The following SPAG6 variants were observed in gnomAD, a reference collection of about 807,000 sequenced individuals.
SPAG6 encodes the protein sperm associated antigen 6, also known as sperm-associated antigen 6.
In SPAG6, 49 loss-of-function variants were observed where a neutral mutation model predicts 58.5. The observed-to-expected ratio is 0.84, with a 90% CI of 0.67 to 1.06. The LOEUF (loss-of-function observed/expected upper bound fraction) is 1.06. Ranked by LOEUF, SPAG6 falls within the 50% of genes least tolerant of loss-of-function variation. SPAG6 has a pLI of 0.00. For synonymous variants in SPAG6, 233 were observed against 225.6 expected (o/e 1.03, Z -0.29); for missense variants, 560 against 611.3 (o/e 0.92, Z 0.89).
In SPAG6 at chr10:22,345,704, C is replaced by T; in HGVS notation, c.26-19C>T. ...GGAGACCCGGGTGCGGTGGGCTCCA[C>T]CGACTCTCTCTCCCGCAGTGTTCGA... On this transcript the variant is annotated intron_variant, in intron 1 of 10. Transcript: ENST00000376624. The surrounding 1 kb of genome is among the most constrained non-coding windows in gnomAD (Gnocchi z 6.3). 3 of 1,604,834 alleles carry T rather than the reference C, an allele frequency of 1.9e-6. No individual in the cohort carries two copies. The highest frequency in any genetic ancestry group is 2.6e-6 in the Non-Finnish European group (3 of 1,176,000).
intron 7 of SPAG6, among the ~76,000 whole-genome samples, chr10:22,391,330 GA>G (rs1834178707): frequency 6.6e-6 from 1 of 152,160 alleles, no homozygotes. Context: ...TATATTTGGT[GA>G]AAAGACAATT....
At chr10:22,401,136 T>C (rs1434967518) in intron 8 of SPAG6, 25 bp from the exon 9 acceptor site, 1 of 1,025,712 alleles carries the variant, frequency 9.7e-7, no homozygotes, top group Non-Finnish European at 1.5e-6. Context: ...CTTACTTATG[T>C]ATACATTCTG....
intron 7 of SPAG6, among the ~76,000 whole-genome samples, chr10:22,389,703 A>G (rs981280030): frequency 1.3e-5 from 2 of 152,168 alleles, no homozygotes; most frequent in African/African-American, 4.8e-5. Flanking sequence ...ATACCCCTCC[A>G]TTTCCTGCCA....
At position 22,389,226 on chromosome 10, in the gene SPAG6, G is replaced by A. The variant is rs766498346; in HGVS notation, c.919G>A (p.Gly307Arg). 1.2e-6 allele frequency: 2 copies of A among 1,613,352 alleles called. No individual in the cohort carries two copies. The highest frequency in any genetic ancestry group is 3.3e-5 in the Admixed American group (2 of 59,906). Reference protein sequence around the residue: ...AVIDCIGSCKGNTRLPGIMML... With the variant: ...AVIDCIGSCKRNTRLPGIMML... ...GATTGACTGCATTGGGTCCTGCAAA[G>A]GGAACACACGGCTGCCTGGCATCAT... The change falls in exon 7 of 11, where the codon GGG becomes AGG. Residue 307 changes from glycine (G) to arginine (R), a missense_variant. Coordinates refer to ENST00000376624, the MANE Select transcript of SPAG6 (RefSeq NM_012443.4).
intron 10 of SPAG6, chr10:22,412,303 T>C: frequency 1.8e-6 from 1 of 559,646 alleles, no homozygotes; most frequent in South Asian, 2.4e-5. Flanking sequence ...CTGTAACATA[T>C]ACTTACGCAA....
intron 4 of SPAG6, among the ~76,000 whole-genome samples, chr10:22,378,069 T>C (rs1435493768): frequency 6.9e-6 from 1 of 144,140 alleles, no homozygotes; most frequent in Non-Finnish European, 1.5e-5. Flanking sequence ...TTTTTTTTTT[T>C]TTTTTTCTTT....
intron 2 of SPAG6, among the ~76,000 whole-genome samples, chr10:22,351,646 G>C (rs759505441): frequency 6.6e-6 from 1 of 152,130 alleles, no homozygotes; most frequent in Non-Finnish European, 1.5e-5. Context: ...TTTGTTCACG[G>C]GGGCAGAACT....
chr10:22,392,003 C>A, intron 8 of SPAG6, 83 bp downstream of exon 8: 1 of 909,582 alleles, frequency 1.1e-6, no homozygotes, highest in Non-Finnish European at 1.7e-6. Flanking sequence ...TCATCATGGA[C>A]AATATTGTTT....
intron 4 of SPAG6, among the ~76,000 whole-genome samples, chr10:22,379,980 G>A (rs1833911797): frequency 6.6e-6 from 1 of 151,868 alleles, no homozygotes; most frequent in South Asian, 2.1e-4. Context: ...TTTTTTTGGA[G>A]ACAGGGTCTC....
At chr10:22,401,950 G>T (rs1006859514) in intron 9 of SPAG6, among the ~76,000 whole-genome samples, 1 of 152,168 alleles carries the variant, frequency 6.6e-6, no homozygotes, top group Non-Finnish European at 1.5e-5. Flanking sequence ...TATGCTCAGT[G>T]AATTTGACTT....
At chr10:22,406,886 A>G (rs1834571440) in intron 9 of SPAG6, among the ~76,000 whole-genome samples, 1 of 151,512 alleles carries the variant, frequency 6.6e-6, no homozygotes, top group Non-Finnish European at 1.5e-5. Flanking sequence ...CTTTACCATT[A>G]TGTAATGGCC....
chr10:22,346,587 G>A (rs1836564608), intron 2 of SPAG6, among the ~76,000 whole-genome samples: 1 of 149,652 alleles, frequency 6.7e-6, no homozygotes, highest in African/African-American at 2.5e-5. Context: ...CATCTGAACT[G>A]TAAGGTAGCA....
chr10:22,372,785 C>G (rs997793792), intron 4 of SPAG6, among the ~76,000 whole-genome samples: 1 of 149,822 alleles, frequency 6.7e-6, no homozygotes, highest in South Asian at 2.1e-4. Flanking sequence ...AAAAGTGTTT[C>G]TTTGTGGTAA....
intron 4 of SPAG6, among the ~76,000 whole-genome samples, chr10:22,378,220 C>T (rs568501449): frequency 2.6e-5 from 4 of 151,712 alleles, no homozygotes; most frequent in Admixed American, 6.6e-5. Context: ...CATGCCACCA[C>T]GCCTGGCTAA....
chr10:22,404,764 A>G (rs1322465715), intron 9 of SPAG6, among the ~76,000 whole-genome samples: 2 of 149,838 alleles, frequency 1.3e-5, no homozygotes, highest in African/African-American at 4.9e-5. Flanking sequence ...CTTCCTACCC[A>G]TGAGCATGGA....
intron 4 of SPAG6, among the ~76,000 whole-genome samples, chr10:22,376,768 T>C (rs1043185238): frequency 6.6e-6 from 1 of 152,100 alleles, no homozygotes; most frequent in African/African-American, 2.4e-5. Context: ...AGTCATGGTA[T>C]GTCACTTCCT....
At chr10:22,349,987 G>C (rs1325786668) in intron 2 of SPAG6, among the ~76,000 whole-genome samples, 2 of 152,044 alleles carry the variant, frequency 1.3e-5, no homozygotes, top group East Asian at 3.8e-4. Context: ...GACATACCTT[G>C]ATATGTACAT....
At chr10:22,362,548 C>G (rs769463258) in intron 2 of SPAG6, among the ~76,000 whole-genome samples, 62 of 151,700 alleles carry the variant, frequency 4.1e-4, no homozygotes, top group Non-Finnish European at 6.9e-4. Context: ...TGAGACCAAC[C>G]TGGGCAACAT....
At chr10:22,382,932 C>T (rs1374481056) in intron 4 of SPAG6, among the ~76,000 whole-genome samples, 1 of 152,104 alleles carries the variant, frequency 6.6e-6, no homozygotes, top group Non-Finnish European at 1.5e-5. Flanking sequence ...ATGCTGTTAG[C>T]ATGTTGATAT....
Sources: gnomAD v4.1 joint callset for allele counts (sites outside exome capture counted in the v4.1 genomes callset) on GRCh38, gnomAD v4.1.1 for gene constraint, Gnocchi (gnomAD v3.1) non-coding constraint, MANE v1.5 for transcripts, NCBI Gene and HGNC (gene_info 2026-07-23, HGNC 2026-07-21) for gene names.